Variants in ATXN10 observed in about 807,000 individuals in gnomAD.
The protein encoded by ATXN10 is ataxin 10.
ATXN10 carries 28 observed loss-of-function variants against 52.9 expected under a neutral mutation model. The observed-to-expected ratio is 0.53, with a 90% CI of 0.39 to 0.73. The LOEUF is 0.73. Ranked by LOEUF, ATXN10 falls within the 30% of genes least tolerant of loss-of-function variation. The pLI, the probability that ATXN10 is intolerant of heterozygous loss-of-function variation, is 0.00. For missense variants in ATXN10, 565 were observed against 577.0 expected (o/e 0.98, Z 0.21); for synonymous variants, 226 against 221.5 (o/e 1.02, Z -0.18).
At chr22:45,808,843 A>T (rs1054462175) in intron 10 of ATXN10, among the ~76,000 whole-genome samples, 4 of 152,256 alleles carry the variant, frequency 2.6e-5, no homozygotes, top group African/African-American at 4.8e-5. Flanking sequence ...ATTTATATGG[A>T]TAGCTATATC....
chr22:45,747,961 G>A (rs1925799676), intron 9 of ATXN10, among the ~76,000 whole-genome samples: 1 of 150,986 alleles, frequency 6.6e-6, no homozygotes, highest in Non-Finnish European at 1.5e-5. Flanking sequence ...TACTTGGTGG[G>A]GCCAAGGCAG....
At chr22:45,743,590 T>C (rs1925619743) in intron 9 of ATXN10, among the ~76,000 whole-genome samples, 1 of 152,220 alleles carries the variant, frequency 6.6e-6, no homozygotes, top group Admixed American at 6.5e-5. Flanking sequence ...GCTAGGGCTT[T>C]AAGGGAAATT....
In ATXN10 at chr22:45,795,941, T is replaced by A. The variant is rs139303971; in HGVS notation, c.1174-11018T>A. ...GTAAAGCATGTGTGTTTGAACAATA[T>A]GAAATTTGGGCACCTTGAAAAAGAA... On this transcript the variant is annotated intron_variant, in intron 9 of 11. Coordinates refer to ENST00000252934, the MANE Select transcript of ATXN10 (RefSeq NM_013236.4). This position sits in a 1 kb window ranked among gnomAD's most constrained non-coding sequence, Gnocchi z 4.6. 1.3e-3 allele frequency among the ~76,000 whole-genome samples: 203 copies of A among 152,326 alleles called. 1 individual carries two copies. Among genetic ancestry groups the A allele is most frequent in the Middle Eastern group, 6.8e-3 (2 of 294 alleles).
Position 45,718,572 on chromosome 22 carries a change from T to C in ATXN10, c.728+79T>C. 1 of 1,293,238 alleles carries C rather than the reference T, an allele frequency of 7.7e-7. No homozygotes were observed. The highest frequency in any genetic ancestry group is 1.1e-6 in the Non-Finnish European group (1 of 888,350). The allele number at this position is 1,293,238 out of a possible 1,614,324, so 80.1% of individuals were successfully genotyped here. On this transcript the variant is annotated intron_variant, in intron 6 of 11. Coordinates refer to ENST00000252934, the MANE Select transcript of ATXN10 (RefSeq NM_013236.4). This position sits in a 1 kb window ranked among gnomAD's most constrained non-coding sequence, Gnocchi z 4.4. Reference sequence around the variant, plus strand: ...CGATGCACGTGACTGAAAAGCTGTGTGGTTTCTGAGTTGGCACAGAATCTC... The same window carrying C: ...CGATGCACGTGACTGAAAAGCTGTGCGGTTTCTGAGTTGGCACAGAATCTC...
intron 9 of ATXN10, among the ~76,000 whole-genome samples, chr22:45,758,039 A>T (rs1926238251): frequency 6.6e-6 from 1 of 152,250 alleles, no homozygotes; most frequent in Non-Finnish European, 1.5e-5. Flanking sequence ...AGACGGATGC[A>T]ACTATTCGTT....
rs1927438366 is a variant in ATXN10 at position 45,789,617 on chromosome 22, C to T, written c.1174-17342C>T. On this transcript the variant is annotated intron_variant, in intron 9 of 11. Coordinates refer to ENST00000252934, the MANE Select transcript of ATXN10 (RefSeq NM_013236.4). The surrounding 1 kb of genome is among the most constrained non-coding windows in gnomAD (Gnocchi z 4.0). ...TAGGGGTTAGTATGTTAATACAGCT[C>T]TCTCCACGACAAGAAGAAGAGAGGG... Among the ~76,000 whole-genome samples the T allele has an allele frequency of 1.3e-5, 2 of 152,216 alleles. No individual in the cohort carries two copies. The highest frequency in any genetic ancestry group is 1.3e-4 in the Admixed American group (2 of 15,288).
At position 45,843,202 on chromosome 22, in the gene ATXN10, C is replaced by G. The variant is rs1477969537; in HGVS notation, c.1425+24C>G. The G allele has an allele frequency of 6.2e-7, 1 of 1,611,894 alleles. No individual in the cohort carries two copies. Among genetic ancestry groups the G allele is most frequent in the African/African-American group, 1.3e-5 (1 of 74,996 alleles). ...CAGTAAGTACCCTCGAGGGAACTGT[C>G]CTTCCCTTTGGTTTGTAGAAAGCTG... On this transcript the variant is annotated intron_variant, in intron 11 of 11. Transcript: ENST00000252934. This position sits in a 1 kb window ranked among gnomAD's most constrained non-coding sequence, Gnocchi z 4.5.
intron 9 of ATXN10, among the ~76,000 whole-genome samples, chr22:45,777,872 G>A (rs1927014633): frequency 6.6e-6 from 1 of 152,212 alleles, no homozygotes; most frequent in African/African-American, 2.4e-5. Flanking sequence ...TGAATGGTCT[G>A]CAAGTCTCCC....
rs928571345 is a variant in ATXN10, at chr22:45,713,691, T to C, written c.648-4722T>C. On this transcript the variant is annotated intron_variant, in intron 5 of 11. Coordinates refer to ENST00000252934, the MANE Select transcript of ATXN10 (RefSeq NM_013236.4). ...TGATAGACTATATGTGGTTCAGATATCAAAATGCATAGTTTACCCCCAGCC... is the reference window on the plus strand; with the variant it reads ...TGATAGACTATATGTGGTTCAGATACCAAAATGCATAGTTTACCCCCAGCC... Among the ~76,000 whole-genome samples the C allele has an allele frequency of 2.0e-5, 3 of 152,292 alleles. 1 individual carries two copies. The highest frequency in any genetic ancestry group is 1.5e-5 in the Non-Finnish European group (1 of 68,018).
In ATXN10 at chr22:45,843,304, T is replaced by C; in HGVS notation, c.1425+126T>C. 1.8e-6 allele frequency: 2 copies of C among 1,107,814 alleles called. No homozygotes were observed. Among genetic ancestry groups the C allele is most frequent in the Non-Finnish European group, 2.7e-6 (2 of 750,552 alleles). The allele number at this position is 1,107,814 out of a possible 1,614,324, so 68.6% of individuals were successfully genotyped here. A position where few individuals can be genotyped will look rare whatever the true frequency, so the allele number is the denominator to read the frequency against. On this transcript the variant is annotated intron_variant, in intron 11 of 11. Coordinates refer to ENST00000252934, the MANE Select transcript of ATXN10 (RefSeq NM_013236.4). This position sits in a 1 kb window ranked among gnomAD's most constrained non-coding sequence, Gnocchi z 4.5. ...GGGAGAATTGTGCCCTCTATAGTGG[T>C]TTACCGAGGAAAGCCCTAAAGATAG...
intron 10 of ATXN10, among the ~76,000 whole-genome samples, chr22:45,829,435 T>G (rs951291672): frequency 2.0e-5 from 3 of 152,140 alleles, no homozygotes; most frequent in African/African-American, 7.2e-5. Context: ...AGAAGTAAAA[T>G]TATCTTTTCA....
intron 3 of ATXN10, among the ~76,000 whole-genome samples, chr22:45,699,448 T>A (rs1310143040): frequency 6.7e-6 from 1 of 150,068 alleles, no homozygotes; most frequent in Non-Finnish European, 1.5e-5. Flanking sequence ...GTTAATATTC[T>A]AAAATATTCA....
Position 45,672,025 on chromosome 22 carries a change from C to T in ATXN10, c.-39C>T, listed in dbSNP as rs1411987474. 2.0e-6 allele frequency: 3 copies of T among 1,528,264 alleles called. No homozygotes were observed. The highest frequency in any genetic ancestry group is 3.4e-4 in the Middle Eastern group (2 of 5,948). The allele number at this position is 1,528,264 out of a possible 1,614,324, so 94.7% of individuals were successfully genotyped here. ...CTCCCCCTTCGTCCTCCTCGCCTTCCTCCTCCTCGTCAGGCTCGACCCAGC... is the reference window on the plus strand; with the variant it reads ...CTCCCCCTTCGTCCTCCTCGCCTTCTTCCTCCTCGTCAGGCTCGACCCAGC... On this transcript the variant is annotated 5_prime_UTR_variant, in exon 1 of 12. Transcript: ENST00000252934.
rs146353983 is a variant in ATXN10 at position 45,735,865 on chromosome 22, T to C, written c.895-2866T>C. On this transcript the variant is annotated intron_variant, in intron 7 of 11. Coordinates refer to ENST00000252934, the MANE Select transcript of ATXN10 (RefSeq NM_013236.4). Reference sequence around the variant, plus strand: ...TAGTGCCTGATTTAATTAATATTAGTTTCATAAGACTTTTAAATATCTGGA... The same window carrying C: ...TAGTGCCTGATTTAATTAATATTAGCTTCATAAGACTTTTAAATATCTGGA... 1.6e-3 allele frequency among the ~76,000 whole-genome samples: 238 copies of C among 150,568 alleles called. 1 individual carries two copies. Among genetic ancestry groups the C allele is most frequent in the African/African-American group, 5.2e-3 (215 of 41,140 alleles).
chr22:45,719,818 G>T (rs947335788), intron 6 of ATXN10, among the ~76,000 whole-genome samples: 6 of 152,086 alleles, frequency 3.9e-5, no homozygotes, highest in Non-Finnish European at 5.9e-5. Flanking sequence ...TTCTGGAGGA[G>T]ATGAGCTGTC....
At chr22:45,673,408 C>G (rs554649058) in intron 1 of ATXN10, 4 of 152,350 alleles carry the variant, frequency 2.6e-5, no homozygotes, top group African/African-American at 9.6e-5. Flanking sequence ...CCTCACATCA[C>G]TTTGGGAAAT....
intron 9 of ATXN10, among the ~76,000 whole-genome samples, chr22:45,765,042 T>C (rs1446220950): frequency 9.8e-5 from 15 of 152,316 alleles, no homozygotes; most frequent in Non-Finnish European, 7.3e-5. Flanking sequence ...ATTTTATAAA[T>C]GGTAAAAATC....
rs573725773 is a variant in ATXN10 at position 45,780,211 on chromosome 22, G to A, written c.1174-26748G>A. On this transcript the variant is annotated intron_variant, in intron 9 of 11. Transcript: ENST00000252934. This position sits in a 1 kb window ranked among gnomAD's most constrained non-coding sequence, Gnocchi z 4.0. Reference sequence around the variant, plus strand: ...CGATTACCCTGCTTCAGCCTCCTGAGTAGCTGGGATTACAGGCGTGTGCCA... The same window carrying A: ...CGATTACCCTGCTTCAGCCTCCTGAATAGCTGGGATTACAGGCGTGTGCCA... Among the ~76,000 whole-genome samples, 8 of 152,236 alleles carry A rather than the reference G, an allele frequency of 5.3e-5. No individual in the cohort carries two copies. Among genetic ancestry groups the A allele is most frequent in the Non-Finnish European group, 7.4e-5 (5 of 68,016 alleles).
At chr22:45,810,639 A>C (rs755036273) in intron 10 of ATXN10, among the ~76,000 whole-genome samples, 18 of 152,238 alleles carry the variant, frequency 1.2e-4, no homozygotes, top group Non-Finnish European at 2.1e-4. Context: ...CTGTCCGCTT[A>C]TTTAGGATTA....
Sources: gnomAD v4.1 joint callset for allele counts (sites outside exome capture counted in the v4.1 genomes callset) on GRCh38, gnomAD v4.1.1 for gene constraint, Gnocchi (gnomAD v3.1) non-coding constraint, MANE v1.5 for transcripts, NCBI Gene and HGNC (gene_info 2026-07-23, HGNC 2026-07-21) for gene names.